Variants in MED13 observed in about 807,000 individuals in gnomAD.
MED13 encodes mediator of RNA polymerase II transcription subunit 13.
MED13 carries 23 observed loss-of-function variants against 225.2 expected under a neutral mutation model. That is an observed-to-expected ratio of 0.10 (90% CI 0.07 to 0.14). The LOEUF (loss-of-function observed/expected upper bound fraction) is 0.14, where lower values mean the gene tolerates loss of function less well. Among genes scored for constraint, MED13 ranks in the 10% least tolerant of loss-of-function variants. The probability of loss-of-function intolerance (pLI) is 1.00; values close to 1 mark genes in which losing one functional copy is unlikely to be tolerated. For missense variants in MED13, 2,197 were observed against 2,594.5 expected (o/e 0.85, Z 3.33); for synonymous variants, 942 against 889.2 (o/e 1.06, Z -1.06).
At position 61,943,400 on chromosome 17, in the gene MED13, A is replaced by G. The variant is rs2079829213; in HGVS notation, c.*3068T>C. 6.6e-6 allele frequency: 1 copy of G among 152,632 alleles called. No individual in the cohort carries two copies. The highest frequency in any genetic ancestry group is 6.5e-5 in the Admixed American group (1 of 15,274). 9.5% of individuals were successfully genotyped at this position (152,632 alleles called of 1,614,324 possible). On this transcript the variant is annotated 3_prime_UTR_variant, in exon 30 of 30. Transcript: ENST00000397786. ...TATTACAGTATTAACATAGTGCTTG[A>G]TTAAAGATCTGCAAATCTTTGTAGT...
At chr17:61,983,848 C>T (rs957757891) in intron 15 of MED13, among the ~76,000 whole-genome samples, 2 of 151,738 alleles carry the variant, frequency 1.3e-5, no homozygotes, top group African/African-American at 2.4e-5. Flanking sequence ...TGTGCCTCAG[C>T]CTCCCAAGTA....
chr17:62,009,731 A>T (rs576752994), intron 9 of MED13, among the ~76,000 whole-genome samples: 7 of 152,300 alleles, frequency 4.6e-5, no homozygotes, highest in African/African-American at 1.7e-4. Context: ...TGTATTTCCT[A>T]AAAAAATTCT....
At chr17:62,001,054 G>A (rs530831980) in intron 9 of MED13, among the ~76,000 whole-genome samples, 2 of 152,210 alleles carry the variant, frequency 1.3e-5, no homozygotes, top group South Asian at 2.1e-4. Flanking sequence ...GAGTCACTGC[G>A]CCCAGCCTAG....
intron 3 of MED13, among the ~76,000 whole-genome samples, chr17:62,045,036 CAT>C (rs562291671): frequency 1.2e-3 from 171 of 146,686 alleles, no homozygotes; most frequent in Non-Finnish European, 2.0e-3. Context: ...GATTTAACAA[CAT>C]ATTTTTTCCA....
rs554899864 is a variant in MED13, at chr17:61,948,816, G to C, written c.6292-1799C>G. ...AATAAGTGAGTCACGGCCGGGCGCG[G>C]TGGCTCACGCCTGTAATCCCAGCAC... On this transcript the variant is annotated intron_variant, in intron 28 of 29. Transcript: ENST00000397786. Among the ~76,000 whole-genome samples the C allele has an allele frequency of 7.2e-4, 109 of 151,362 alleles. 1 individual carries two copies. In the South Asian group the frequency reaches 0.022, roughly 31 times the overall value.
Position 61,968,371 on chromosome 17 carries a change from A to G in MED13, c.3968-113T>C, listed in dbSNP as rs1011397159. 3 of 777,860 alleles carry G rather than the reference A, an allele frequency of 3.9e-6. No individual in the cohort carries two copies. The African/African-American group carries it at 5.4e-5, about 14-fold the overall frequency. 48.2% of individuals were successfully genotyped at this position (777,860 alleles called of 1,614,324 possible). On this transcript the variant is annotated intron_variant, in intron 17 of 29. Transcript: ENST00000397786. ...GACAGAGTCTCGCTCTGTCGCCCAGACTGGAGTGCAGTGGCGCCATCTCGG... is the reference window on the plus strand; with the variant it reads ...GACAGAGTCTCGCTCTGTCGCCCAGGCTGGAGTGCAGTGGCGCCATCTCGG...
At chr17:61,995,503 C>T (rs2080339732) in intron 9 of MED13, 138 bp from the exon 10 acceptor site, 2 of 586,522 alleles carry the variant, frequency 3.4e-6, no homozygotes, top group Non-Finnish European at 5.5e-6. Context: ...AATGAGGAGG[C>T]ATGAAAATAT....
In MED13 at chr17:62,015,944, ATATATATATATTTTTTTTTTTTT is replaced by A. The variant is rs1328314108; in HGVS notation, c.1284-4734_1284-4712del. ...TATATATATATATATATATATATAT[ATATATATATATTTTTTTTTTTTT>A]TTTTTTTTTTTTTTTTAGTAGAGAC... On this transcript the variant is annotated intron_variant, in intron 8 of 29. Transcript: ENST00000397786. Among the ~76,000 whole-genome samples, 20 of 12,714 alleles carry A rather than the reference ATATATATATATTTTTTTTTTTTT, an allele frequency of 1.6e-3. 1 individual carries two copies. Among genetic ancestry groups the A allele is most frequent in the African/African-American group, 3.7e-3 (15 of 4,096 alleles). 8.3% of individuals were successfully genotyped at this position (12,714 alleles called of 152,430 possible). A position where few individuals can be genotyped will look rare whatever the true frequency, so the allele number is the denominator to read the frequency against.
At chr17:62,035,688 T>A in intron 3 of MED13, 80 bp from the exon 4 acceptor site, 1 of 1,381,802 alleles carries the variant, frequency 7.2e-7, no homozygotes, top group Non-Finnish European at 9.7e-7. Context: ...TTAGGAAGTA[T>A]GCAAAAATGC....
Position 61,944,413 on chromosome 17 carries a change from C to T in MED13, c.*2055G>A, listed in dbSNP as rs1460860087. The T allele has an allele frequency of 1.3e-5, 2 of 148,872 alleles. No individual in the cohort carries two copies. The highest frequency in any genetic ancestry group is 4.9e-5 in the African/African-American group (2 of 40,492). 9.2% of individuals were successfully genotyped at this position (148,872 alleles called of 1,614,324 possible). On this transcript the variant is annotated 3_prime_UTR_variant, in exon 30 of 30. Transcript: ENST00000397786. ...TAAAGAAAGTACAGAACAAAACATA[C>T]CAACATAATGTGTGGTGTATTAGCA...
chr17:62,057,716 A>G (rs2081006577), intron 2 of MED13, among the ~76,000 whole-genome samples: 1 of 152,220 alleles, frequency 6.6e-6, no homozygotes, highest in Non-Finnish European at 1.5e-5. Flanking sequence ...TTTGAGCACT[A>G]TTCATTATGA....
intron 9 of MED13, among the ~76,000 whole-genome samples, chr17:62,008,044 G>T (rs939641711): frequency 8.1e-6 from 1 of 122,790 alleles, no homozygotes; most frequent in African/African-American, 3.4e-5. Context: ...AAAGCTGTGC[G>T]CAGTGGCTCA....
rs773346351 is a variant in MED13 at position 61,965,179 on chromosome 17, C to T, written c.4671G>A (p.Ser1557=). ...NSGVSSNKLP[S]FPPFGSMNSN... ...TGTTCATACTGCCAAAGGGTGGAAA[C>T]GAAGGTAGTTTATTTGATGATACTC... The change falls in exon 20 of 30, where the codon TCG becomes TCA. Residue 1557 remains serine, a synonymous_variant. Coordinates refer to ENST00000397786, the MANE Select transcript of MED13 (RefSeq NM_005121.3). 26 of 1,613,954 alleles carry T rather than the reference C, an allele frequency of 1.6e-5. No homozygotes were observed. Among genetic ancestry groups the T allele is most frequent in the East Asian group, 2.2e-5 (1 of 44,902 alleles).
chr17:62,063,802 A>G (rs778336522), intron 1 of MED13, among the ~76,000 whole-genome samples: 1 of 152,258 alleles, frequency 6.6e-6, no homozygotes, highest in Non-Finnish European at 1.5e-5. Context: ...AAAGTCAAAT[A>G]GCTACTCACA....
rs146617939 is a variant in MED13 at position 61,980,908 on chromosome 17, A to G, written c.3805+1290T>C. Among the ~76,000 whole-genome samples, 727 of 151,888 alleles carry G rather than the reference A, an allele frequency of 4.8e-3. 5 individuals are homozygous for G. Among genetic ancestry groups the G allele is most frequent in the African/African-American group, 0.017 (684 of 41,414 alleles). On this transcript the variant is annotated intron_variant, in intron 16 of 29. Coordinates refer to ENST00000397786, the MANE Select transcript of MED13 (RefSeq NM_005121.3). ...CAGGCACGCCCCACCATGCTGGCTA[A>G]TTTTTGTATTTTTCACCATATTGGG...
chr17:62,029,932 C>A lies in MED13; in HGVS notation c.1091G>T (p.Gly364Val). ...GFNSDSTSHHGGKIPRKLANH... is the reference protein window; with the variant it reads ...GFNSDSTSHHVGKIPRKLANH... ...TGCTAATTTTCTGGGTATTTTCCCA[C>A]CATGGTGGCTAGTACTATCGGAGTT... Residue 364 changes from glycine (G) to valine (V), a missense_variant, in exon 7 of 30, where the codon GGT becomes GTT. Coordinates refer to ENST00000397786, the MANE Select transcript of MED13 (RefSeq NM_005121.3). The A allele has an allele frequency of 6.2e-7, 1 of 1,613,998 alleles. No homozygotes were observed. Among genetic ancestry groups the A allele is most frequent in the Non-Finnish European group, 8.5e-7 (1 of 1,179,982 alleles).
intron 5 of MED13, 94 bp downstream of exon 5, chr17:62,033,693 A>T: frequency 8.5e-7 from 1 of 1,175,674 alleles, no homozygotes; most frequent in Non-Finnish European, 1.2e-6. Flanking sequence ...GTTGAAAGCC[A>T]CTGAGTTATT....
intron 8 of MED13, among the ~76,000 whole-genome samples, chr17:62,011,761 A>ACACC (rs1431759656): frequency 2.0e-5 from 3 of 152,222 alleles, no homozygotes; most frequent in Non-Finnish European, 4.4e-5. Context: ...GATGGGCCTC[A>ACACC]CACCATACCT....
chr17:61,990,987 T>A (rs957609155), intron 11 of MED13, among the ~76,000 whole-genome samples: 1 of 152,202 alleles, frequency 6.6e-6, no homozygotes, highest in African/African-American at 2.4e-5. Flanking sequence ...TGGTTTTAGA[T>A]CTGAAGGACC....
Sources: gnomAD v4.1 joint callset for allele counts (sites outside exome capture counted in the v4.1 genomes callset) on GRCh38, gnomAD v4.1.1 for gene constraint, MANE v1.5 for transcripts, NCBI Gene and HGNC (gene_info 2026-07-23, HGNC 2026-07-21) for gene names.